The following PLA1A variants were observed in gnomAD, a reference collection of about 807,000 sequenced individuals.
PLA1A encodes the protein phospholipase A1 member A, also known as phosphatidylserine-specific phospholipase A1alpha.
Under a neutral mutation model 49.4 loss-of-function variants are expected in PLA1A, and 47 were observed. The ratio of observed to expected loss-of-function variants is 0.95; its 90% confidence interval spans 0.75 to 1.21. PLA1A has a LOEUF of 1.21. PLA1A is among the 50% of genes most tolerant of loss of function. The pLI is 0.00. For missense variants in PLA1A, 561 were observed against 563.9 expected, an observed-to-expected ratio of 0.99 and a Z score of 0.05; for synonymous variants, 224 against 207.9, an observed-to-expected ratio of 1.08 and a Z score of -0.67.
intron 1 of PLA1A, among the ~76,000 whole-genome samples, chr3:119,605,262 G>T (rs2082671014): frequency 6.6e-6 from 1 of 152,222 alleles, no homozygotes; most frequent in African/African-American, 2.4e-5. Context: ...AAACCTGCCT[G>T]CTTGGTCTGC....
At chr3:119,623,701 A>C (rs1218390075) in intron 8 of PLA1A, among the ~76,000 whole-genome samples, 2 of 143,598 alleles carry the variant, frequency 1.4e-5, no homozygotes, top group African/African-American at 5.2e-5. Context: ...GTATTTAATG[A>C]GTTAATTCTC....
At chr3:119,606,490 T>C (rs2082689807) in intron 1 of PLA1A, among the ~76,000 whole-genome samples, 1 of 152,216 alleles carries the variant, frequency 6.6e-6, no homozygotes, top group Non-Finnish European at 1.5e-5. Flanking sequence ...GAGACTCAGT[T>C]CAGCCCGGAA....
chr3:119,621,988 G>A (rs538965268), intron 8 of PLA1A, among the ~76,000 whole-genome samples: 11 of 152,232 alleles, frequency 7.2e-5, no homozygotes, highest in Admixed American at 7.2e-4. Flanking sequence ...GGAGGCTGAG[G>A]TGGGAGGGTT....
intron 6 of PLA1A, among the ~76,000 whole-genome samples, chr3:119,616,708 G>A (rs1240094631): frequency 6.6e-6 from 1 of 152,088 alleles, no homozygotes; most frequent in Non-Finnish European, 1.5e-5. Flanking sequence ...AACATTTTAA[G>A]GATTCCTTTG....
intron 2 of PLA1A, among the ~76,000 whole-genome samples, chr3:119,608,214 GAA>G (rs1491102808): frequency 6.7e-5 from 9 of 133,340 alleles, no homozygotes; most frequent in East Asian, 2.1e-4. Context: ...AAGAAAGAAA[GAA>G]AGAAAGAAAG....
chr3:119,599,484 C>T (rs1335020278), intron 1 of PLA1A, among the ~76,000 whole-genome samples: 1 of 152,082 alleles, frequency 6.6e-6, no homozygotes, highest in Non-Finnish European at 1.5e-5. Context: ...AAGGCATTTG[C>T]TAGTTGTCCT....
chr3:119,600,361 C>T (rs191034521), intron 1 of PLA1A: 8 of 702,760 alleles, frequency 1.1e-5, no homozygotes, highest in Middle Eastern at 2.3e-4. Context: ...CTGGCTCAGG[C>T]GTCCTCTCCT....
chr3:119,609,927 A>C (rs2082742999), intron 4 of PLA1A, among the ~76,000 whole-genome samples: 1 of 152,200 alleles, frequency 6.6e-6, no homozygotes, highest in Admixed American at 6.5e-5. Flanking sequence ...TCATTGCCCA[A>C]GTAGCAATCA....
At chr3:119,625,718 G>T (rs1258881333) in intron 9 of PLA1A, among the ~76,000 whole-genome samples, 1 of 152,226 alleles carries the variant, frequency 6.6e-6, no homozygotes, top group East Asian at 1.9e-4. Context: ...CGAGCTGAGG[G>T]CCAGACTAGC....
chr3:119,625,660 A>G lies in PLA1A; in HGVS notation c.1121+428A>G, dbSNP rs2052516138. ...TGGGAAAGGAGAGCAGTTCTGGGTC[A>G]GTTACCAGAATGGAATCTGAGGCAC... On this transcript the variant is annotated intron_variant, in intron 9 of 10. Coordinates refer to ENST00000273371, the MANE Select transcript of PLA1A (RefSeq NM_015900.4). Among the ~76,000 whole-genome samples the G allele has an allele frequency of 3.3e-5, 5 of 152,340 alleles. No individual in the cohort carries two copies. The South Asian group carries it at 1.0e-3, about 32-fold the overall frequency.
chr3:119,617,979 G>C (rs945413059), intron 6 of PLA1A, 40 bp from the exon 7 acceptor site: 7 of 1,518,266 alleles, frequency 4.6e-6, no homozygotes, highest in Non-Finnish European at 3.6e-6. Context: ...ATTTCCATTT[G>C]TCTTGACTGA....
At position 119,608,865 on chromosome 3, in the gene PLA1A, G is replaced by A; in HGVS notation, c.371G>A (p.Gly124Glu). The stretch of plus-strand genomic sequence containing the variant: ...GTGATTGCCGTGGACTGGATTTATG[G>A]GTCTACAGGAGTCTACTTCTCAGCT... The part of the protein sequence containing the change: ...ANVIAVDWIY[G>E]STGVYFSAVK... Residue 124 changes from glycine to glutamate, a missense_variant, in exon 3 of 11, where the codon GGG becomes GAG. Transcript: ENST00000273371. The A allele has an allele frequency of 6.2e-7, 1 of 1,613,644 alleles. No homozygotes were observed. The highest frequency in any genetic ancestry group is 8.5e-7 in the Non-Finnish European group (1 of 1,179,568).
chr3:119,626,961 A>T (rs557255441), intron 9 of PLA1A, among the ~76,000 whole-genome samples: 1 of 152,326 alleles, frequency 6.6e-6, no homozygotes, highest in East Asian at 1.9e-4. Flanking sequence ...AGGTCCAGCA[A>T]CACTGGCAGG....
chr3:119,612,747 C>T (rs1049402476), intron 4 of PLA1A, among the ~76,000 whole-genome samples: 1 of 152,184 alleles, frequency 6.6e-6, no homozygotes, highest in Non-Finnish European at 1.5e-5. Context: ...CTCGGCCTCC[C>T]AAAGTGCTGG....
At chr3:119,604,243 T>TA (rs1275613579) in intron 1 of PLA1A, among the ~76,000 whole-genome samples, 1 of 152,160 alleles carries the variant, frequency 6.6e-6, no homozygotes, top group Non-Finnish European at 1.5e-5. Context: ...GCAATTCCAC[T>TA]ACTGGGTATA....
chr3:119,625,044 C>A, intron 8 of PLA1A, 80 bp from the exon 9 acceptor site: 1 of 829,278 alleles, frequency 1.2e-6, no homozygotes, highest in Non-Finnish European at 2.1e-6. Flanking sequence ...AGATTCCCAA[C>A]CACACTGCTG....
Position 119,628,785 on chromosome 3 carries a change from G to T in PLA1A, c.1206G>T (p.Gln402His). 6.2e-7 allele frequency: 1 copy of T among 1,614,014 alleles called. No homozygotes were observed. Among genetic ancestry groups the T allele is most frequent in the Non-Finnish European group, 8.5e-7 (1 of 1,179,860 alleles). ...TAAACCAAGTGAAATTCAAGTTTCA[G>T]TCTTCCAACCGAGTTTGGAAAAAAG... is the stretch of plus-strand genomic sequence containing the variant. Reference protein sequence around the residue: ...CQINQVKFKFQSSNRVWKKDR... With the variant: ...CQINQVKFKFHSSNRVWKKDR... The change falls in exon 10 of 11, where the codon CAG becomes CAT. Residue 402 changes from glutamine to histidine, a missense_variant. Physicochemically the swap from Gln to His is conservative, Grantham distance 24. Transcript: ENST00000273371.
chr3:119,603,186 A>G (rs74864131), intron 1 of PLA1A, among the ~76,000 whole-genome samples: 2,861 of 144,050 alleles, frequency 0.02, 78 homozygotes, highest in African/African-American at 0.069. Context: ...AAAAAAAAAA[A>G]TCGTGACTGC....
chr3:119,608,359 TTAACTCTAGGGCA>T (rs1368372886), intron 2 of PLA1A, among the ~76,000 whole-genome samples: 3 of 152,170 alleles, frequency 2.0e-5, no homozygotes, highest in African/African-American at 4.8e-5. Flanking sequence ...ATCGCAAATC[TTAACTCTAGGGCA>T]TAACTCTAGG....
Sources: allele counts gnomAD v4.1 joint callset (sites outside exome capture counted in the v4.1 genomes callset), GRCh38; gene constraint gnomAD v4.1.1; transcripts MANE v1.5; gene names NCBI Gene and HGNC (gene_info 2026-07-23, HGNC 2026-07-21).